CHD7: variants seen among roughly 807,000 people sequenced by gnomAD.
The protein encoded by CHD7 is ATP-dependent chromatin remodeler CHD7.
In CHD7, 24 loss-of-function variants were observed where a neutral mutation model predicts 307.3. The observed-to-expected ratio is 0.08, with a 90% CI of 0.06 to 0.11. CHD7 has a LOEUF of 0.11. Ranked by LOEUF, CHD7 falls within the 10% of genes least tolerant of loss-of-function variation. CHD7 has a pLI of 1.00. For synonymous variants in CHD7, 1,363 were observed against 1,349.9 expected (o/e 1.01, Z -0.21); for missense variants, 3,106 against 3,727.1 (o/e 0.83, Z 4.34).
chr8:60,861,288 C>T (rs772970480), intron 35 of CHD7, 163 bp downstream of exon 35: 11 of 587,470 alleles, frequency 1.9e-5, no homozygotes, highest in Non-Finnish European at 2.7e-5. Context: ...TTCTTCATTA[C>T]AGATACTAGC....
intron 35 of CHD7, 48 bp downstream of exon 35, chr8:60,861,173 C>T (rs1204535078): frequency 7.2e-7 from 1 of 1,386,126 alleles, no homozygotes; most frequent in Non-Finnish European, 9.9e-7. Context: ...CAGGCCGGTC[C>T]ACTTCATTCC....
Position 60,864,956 on chromosome 8 carries a change from T to A in CHD7, c.8077-60T>A, listed in dbSNP as rs539809651. On this transcript the variant is annotated intron_variant, in intron 37 of 37. Coordinates refer to ENST00000423902, the MANE Select transcript of CHD7 (RefSeq NM_017780.4). The stretch of plus-strand genomic sequence containing the variant: ...GGCAGGTTCACCACAGAGGCTCACA[T>A]TGAGATCAAGTTGTCTTCGACAGCC... The A allele has an allele frequency of 1.8e-5, 27 of 1,487,810 alleles. 1 individual carries two copies. The highest frequency in any genetic ancestry group is 3.4e-4 in the Middle Eastern group (2 of 5,854). The allele number at this position is 1,487,810 out of a possible 1,614,324, so 92.2% of individuals were successfully genotyped here.
rs368529067 is a variant in CHD7 at position 60,681,005 on chromosome 8, C to T, written c.-175+1923C>T. Among the ~76,000 whole-genome samples, 3 of 151,644 alleles carry T rather than the reference C, an allele frequency of 2.0e-5. No individual in the cohort carries two copies. The South Asian group carries it at 6.2e-4, about 32-fold the overall frequency. On this transcript the variant is annotated intron_variant, in intron 1 of 37. Transcript: ENST00000423902. ...TAATTTAAGCCGTCTTTGCAGTGGG[C>T]GATACCTTTCTAAGGGGTTAAGTGT...
At chr8:60,690,988 GAT>G (rs1175456388) in intron 1 of CHD7, among the ~76,000 whole-genome samples, 1 of 152,132 alleles carries the variant, frequency 6.6e-6, no homozygotes, top group African/African-American at 2.4e-5. Context: ...GCAGTGGCGT[GAT>G]CTCGGCTCAC....
Position 60,821,838 on chromosome 8 carries a change from A to T in CHD7, c.2746A>T (p.Ser916Cys). 3 of 1,583,786 alleles carry T rather than the reference A, an allele frequency of 1.9e-6. No individual in the cohort carries two copies. Among genetic ancestry groups the T allele is most frequent in the Non-Finnish European group, 2.6e-6 (3 of 1,164,288 alleles). Residue 916 changes from serine to cysteine, a missense_variant, in exon 10 of 38, where the codon AGC becomes TGC. Coordinates refer to ENST00000423902, the MANE Select transcript of CHD7 (RefSeq NM_017780.4). ...GTGGTGTTCACTTCCTTATGAAGAC[A>T]GCACGTGGGAGCGGAGGCAGGACAT... is the stretch of plus-strand genomic sequence containing the variant. ...VKWCSLPYED[S>C]TWERRQDIDQ... is the part of the protein sequence containing the mutation.
rs763720460 is a variant in CHD7, at chr8:60,853,121, T to C, written c.6396T>C (p.Ala2132=). The change falls in exon 31 of 38, where the codon GCT becomes GCC. Residue 2132 remains alanine, a synonymous_variant. Transcript: ENST00000423902. ...TCTTGGATGCACATAAAAACTTTGCTCAAAACAGAGGGGCAGGTAATACAT... is the reference window on the plus strand; with the variant it reads ...TCTTGGATGCACATAAAAACTTTGCCCAAAACAGAGGGGCAGGTAATACAT... The part of the protein sequence containing the change: ...LSFLDAHKNF[A]QNRGAGNTSS... 8.1e-6 allele frequency: 13 copies of C among 1,613,726 alleles called. No individual in the cohort carries two copies. The highest frequency in any genetic ancestry group is 1.1e-5 in the Non-Finnish European group (13 of 1,179,886).
rs757725468 is a variant in CHD7 at position 60,865,121 on chromosome 8, G to A, written c.8182G>A (p.Ala2728Thr). ...AAGGCCCAAAAGTGAGATCGCCAGA[G>A]CAGCCGCGGCCGCCGCTGCTGTGGC... ...GRRPKSEIAR[A>T]AAAAAAVAST... is the part of the protein sequence containing the mutation. The change falls in exon 38 of 38, where the codon GCA becomes ACA. Residue 2728 changes from alanine (A) to threonine (T), a missense_variant. By Grantham distance (58) the Ala-to-Thr change is moderately conservative. Coordinates refer to ENST00000423902, the MANE Select transcript of CHD7 (RefSeq NM_017780.4). This position sits in a 1 kb window ranked among gnomAD's most constrained non-coding sequence, Gnocchi z 4.3. 8.7e-6 allele frequency: 14 copies of A among 1,610,844 alleles called. No homozygotes were observed. The highest frequency in any genetic ancestry group is 1.2e-5 in the Non-Finnish European group (14 of 1,178,684).
intron 2 of CHD7, among the ~76,000 whole-genome samples, chr8:60,777,228 T>C (rs1395081451): frequency 6.6e-6 from 1 of 152,210 alleles, no homozygotes; most frequent in East Asian, 1.9e-4. Context: ...AATAAACATG[T>C]AAATAAATAC....
intron 4 of CHD7, among the ~76,000 whole-genome samples, 200 bp from the exon 5 acceptor site, chr8:60,800,188 G>A (rs949424611): frequency 7.9e-5 from 12 of 151,918 alleles, no homozygotes; most frequent in African/African-American, 2.4e-4. Flanking sequence ...CCGCCACCAC[G>A]CCCGGCTAAT....
intron 21 of CHD7, among the ~76,000 whole-genome samples, chr8:60,844,602 G>A (rs920373380): frequency 1.3e-5 from 2 of 152,160 alleles, no homozygotes; most frequent in African/African-American, 4.8e-5. Context: ...CAGCCTTCAT[G>A]TACCTGGAAA....
At chr8:60,780,802 CT>C (rs946047295) in intron 2 of CHD7, among the ~76,000 whole-genome samples, 197 bp from the exon 3 acceptor site, 1 of 152,054 alleles carries the variant, frequency 6.6e-6, no homozygotes, top group African/African-American at 2.4e-5. Context: ...TTAAAACTTT[CT>C]TTCTTAAAAG....
At chr8:60,722,121 C>T (rs1807937661) in intron 1 of CHD7, among the ~76,000 whole-genome samples, 1 of 152,200 alleles carries the variant, frequency 6.6e-6, no homozygotes, top group African/African-American at 2.4e-5. Context: ...GCTGCTTGGA[C>T]ATTGGTCTTT....
rs1217336132 is a variant in CHD7, at chr8:60,785,972, T to C, written c.2096+4542T>C. On this transcript the variant is annotated intron_variant, in intron 3 of 37. Coordinates refer to ENST00000423902, the MANE Select transcript of CHD7 (RefSeq NM_017780.4). ...CCTGTGGAAGAGGGTAGAGATTTCT[T>C]ATGTGTGTGATGATAAATGAATCTT... Among the ~76,000 whole-genome samples the C allele has an allele frequency of 2.6e-5, 4 of 152,194 alleles. No homozygotes were observed. The East Asian group carries it at 7.7e-4, about 29-fold the overall frequency.
intron 2 of CHD7, among the ~76,000 whole-genome samples, chr8:60,758,290 TTTTTTGTATC>T (rs1809994168): frequency 6.6e-6 from 1 of 152,004 alleles, no homozygotes; most frequent in Admixed American, 6.6e-5. Context: ...CCTGGCTAAT[TTTTTTGTATC>T]TTTTGTGGAG....
At chr8:60,852,785 C>T (rs1167893116) in intron 30 of CHD7, 44 bp from the exon 31 acceptor site, 3 of 1,607,822 alleles carry the variant, frequency 1.9e-6, no homozygotes, top group East Asian at 2.2e-5. Context: ...TGTAGAATGC[C>T]CTTGAATTCT....
At chr8:60,864,533 CAG>C (rs1806153677) in intron 37 of CHD7, 1 of 168,998 alleles carries the variant, frequency 5.9e-6, no homozygotes, top group African/African-American at 2.4e-5. Context: ...TACAAGCACA[CAG>C]TGCATAATGA....
chr8:60,699,829 A>C (rs1369116285), intron 1 of CHD7, among the ~76,000 whole-genome samples: 2 of 118,700 alleles, frequency 1.7e-5, no homozygotes, highest in African/African-American at 5.1e-5. Flanking sequence ...ACTTGATATT[A>C]TTTCTTTTTT....
intron 1 of CHD7, among the ~76,000 whole-genome samples, chr8:60,692,656 C>A (rs1030871903): frequency 3.9e-5 from 6 of 152,100 alleles, no homozygotes; most frequent in African/African-American, 1.4e-4. Flanking sequence ...TTTTCCTGGC[C>A]CTTCCCCCAT....
intron 1 of CHD7, 92 bp from the exon 2 acceptor site, chr8:60,741,167 A>G (rs982372890): frequency 6.3e-6 from 3 of 476,734 alleles, no homozygotes; most frequent in Non-Finnish European, 1.1e-5. Context: ...TGGGGACCAA[A>G]TTCAGATGTA....
Sources: allele counts gnomAD v4.1 joint callset (sites outside exome capture counted in the v4.1 genomes callset), GRCh38; gene constraint gnomAD v4.1.1; non-coding constraint Gnocchi (gnomAD v3.1); transcripts MANE v1.5; gene names NCBI Gene and HGNC (gene_info 2026-07-23, HGNC 2026-07-21).